The following CNTNAP3 variants were observed in gnomAD, a reference collection of about 807,000 sequenced individuals.
CNTNAP3 encodes the protein contactin associated protein family member 3, also known as contactin-associated protein-like 3.
A neutral mutation model predicts 92.1 loss-of-function variants in CNTNAP3; 36 were observed. The observed-to-expected ratio is 0.39, with a 90% confidence interval of 0.30 to 0.52. The LOEUF (loss-of-function observed/expected upper bound fraction) is 0.52. Among genes scored for constraint, CNTNAP3 ranks in the 20% least tolerant of loss-of-function variants. The pLI, the probability that CNTNAP3 is intolerant of heterozygous loss-of-function variation, is 0.76. For missense variants in CNTNAP3, 534 were observed against 1,069.6 expected, an observed-to-expected ratio of 0.50 and a Z score of 6.98; for synonymous variants, 232 against 422.3, an observed-to-expected ratio of 0.55 and a Z score of 5.53.
At chr9:39,140,392 A>G in intron 12 of CNTNAP3, 127 bp downstream of exon 12, 1 of 1,395,124 alleles carries the variant, frequency 7.2e-7, no homozygotes, top group Non-Finnish European at 9.5e-7. Context: ...AAAATTAATA[A>G]ATATATATTT....
intron 18 of CNTNAP3, among the ~76,000 whole-genome samples, chr9:39,094,825 G>C: frequency 6.6e-6 from 1 of 151,312 alleles, no homozygotes. Flanking sequence ...CTTATTCTGG[G>C]CTTTTTCAAA....
At chr9:39,136,987 G>C (rs548316120) in intron 12 of CNTNAP3, among the ~76,000 whole-genome samples, 1 of 151,974 alleles carries the variant, frequency 6.6e-6, no homozygotes. Flanking sequence ...TCCTTCTTTG[G>C]TGTTCTCTAA....
intron 15 of CNTNAP3, among the ~76,000 whole-genome samples, chr9:39,105,351 C>T (rs1238241149): frequency 6.6e-6 from 1 of 152,096 alleles, no homozygotes. Context: ...GGAGTGAACC[C>T]GGGAGGCGGA....
intron 8 of CNTNAP3, among the ~76,000 whole-genome samples, chr9:39,168,482 C>T (rs1725981503): frequency 1.3e-5 from 1 of 79,090 alleles, no homozygotes; most frequent in Admixed American, 1.5e-4. Context: ...TTACATTATA[C>T]ACAAAATCAT....
intron 13 of CNTNAP3, among the ~76,000 whole-genome samples, chr9:39,127,242 A>G (rs566261679): frequency 1.3e-4 from 20 of 152,258 alleles, no homozygotes; most frequent in Admixed American, 1.2e-3. Context: ...CTAAGTGAAA[A>G]TGAGAATACA....
At chr9:39,081,663 A>G (rs1825938916) in intron 21 of CNTNAP3, among the ~76,000 whole-genome samples, 1 of 152,044 alleles carries the variant, frequency 6.6e-6, no homozygotes, top group African/African-American at 2.4e-5. Context: ...CATGCCAAAT[A>G]GACAGATGTC....
At chr9:39,122,884 T>C (rs192524021) in intron 13 of CNTNAP3, among the ~76,000 whole-genome samples, 2 of 152,092 alleles carry the variant, frequency 1.3e-5, no homozygotes, top group South Asian at 2.1e-4. Flanking sequence ...AACAAAGATA[T>C]GAAATTTCAA....
chr9:39,103,138 A>C (rs1359165134), intron 16 of CNTNAP3, among the ~76,000 whole-genome samples: 1 of 152,276 alleles, frequency 6.6e-6, no homozygotes, highest in Non-Finnish European at 1.5e-5. Flanking sequence ...CATAAAAAAC[A>C]ATATGTCTGG....
rs1825567026 is a variant in CNTNAP3 at position 39,068,662 on chromosome 9, G to A, written c.*5228C>T. Among the ~76,000 whole-genome samples, 2 of 152,418 alleles carry A rather than the reference G, an allele frequency of 1.3e-5. No individual in the cohort carries two copies. The highest frequency in any genetic ancestry group is 1.5e-5 in the Non-Finnish European group (1 of 68,042). ...TCTCCAATGCAGCTCTTTCCTCGCC[G>A]GTACTCTATCCTGCAATCTCTAGCC... On this transcript the variant is annotated 3_prime_UTR_variant, in exon 24 of 24. Coordinates refer to ENST00000297668, the MANE Select transcript of CNTNAP3 (RefSeq NM_033655.5).
intron 14 of CNTNAP3, among the ~76,000 whole-genome samples, chr9:39,110,946 CCTT>C (rs1420327786): frequency 2.6e-5 from 4 of 151,956 alleles, no homozygotes; most frequent in African/African-American, 9.7e-5. Context: ...AGTTCTCAAA[CCTT>C]CTTTTGTATG....
chr9:39,129,461 C>A (rs12335951), intron 13 of CNTNAP3, among the ~76,000 whole-genome samples: 27,704 of 151,388 alleles, frequency 0.18, 3,608 homozygotes, highest in African/African-American at 0.39. Flanking sequence ...ACTCTCACAT[C>A]TTATATAAAA....
chr9:39,117,033 C>T (rs1449577235), intron 14 of CNTNAP3, among the ~76,000 whole-genome samples: 2 of 152,014 alleles, frequency 1.3e-5, no homozygotes, highest in East Asian at 3.9e-4. Flanking sequence ...TGCTCTGTCG[C>T]CCAGGCTGGA....
chr9:39,104,477 TACACACACAC>T (rs60068368), intron 15 of CNTNAP3, among the ~76,000 whole-genome samples: 2,965 of 123,178 alleles, frequency 0.024, 34 homozygotes, highest in Middle Eastern at 0.036. Flanking sequence ...CACATACACA[TACACACACAC>T]ACACACACAC....
chr9:39,122,211 C>T (rs938989421), intron 13 of CNTNAP3, among the ~76,000 whole-genome samples: 24 of 152,250 alleles, frequency 1.6e-4, no homozygotes, highest in Non-Finnish European at 2.8e-4. Context: ...AAAAATTAGC[C>T]GGGCGTGGTG....
intron 15 of CNTNAP3, 85 bp from the exon 16 acceptor site, chr9:39,103,999 C>A: frequency 1.3e-6 from 2 of 1,501,178 alleles, no homozygotes; most frequent in South Asian, 2.8e-5. Flanking sequence ...AGGATTATGA[C>A]TGCTAAATAC....
At chr9:39,078,226 GAACAAAAAA>G in intron 23 of CNTNAP3, 150 bp downstream of exon 23, 1 of 13,808 alleles carries the variant, frequency 7.2e-5, no homozygotes, top group South Asian at 1.8e-3. Context: ...AAAAAACAAA[GAACAAAAAA>G]CAAAAAACCA....
intron 23 of CNTNAP3, among the ~76,000 whole-genome samples, chr9:39,076,768 A>G (rs959042794): frequency 6.6e-6 from 1 of 152,306 alleles, no homozygotes; most frequent in Non-Finnish European, 1.5e-5. Context: ...GGAGATCGAG[A>G]CCATTCTGGC....
chr9:39,133,775 TAAAAAC>T (rs896278779), intron 12 of CNTNAP3, among the ~76,000 whole-genome samples: 1 of 151,822 alleles, frequency 6.6e-6, no homozygotes, highest in African/African-American at 2.4e-5. Flanking sequence ...TTTGATGAAA[TAAAAAC>T]AAAATGACTC....
At chr9:39,125,095 C>A (rs1384304899) in intron 13 of CNTNAP3, among the ~76,000 whole-genome samples, 2 of 151,996 alleles carry the variant, frequency 1.3e-5, no homozygotes, top group African/African-American at 4.8e-5. Context: ...ATAGCAAAGA[C>A]TTGGAACCAA....
Sources: allele counts gnomAD v4.1 joint callset (sites outside exome capture counted in the v4.1 genomes callset), GRCh38; gene constraint gnomAD v4.1.1; transcripts MANE v1.5; gene names NCBI Gene and HGNC (gene_info 2026-07-23, HGNC 2026-07-21).